C12orf42: variants seen among roughly 807,000 people sequenced by gnomAD.
C12orf42 encodes the protein uncharacterized protein C12orf42.
C12orf42 carries 25 observed loss-of-function variants against 21.6 expected under a neutral mutation model. The ratio of observed to expected loss-of-function variants is 1.16; its 90% confidence interval spans 0.84 to 1.62. C12orf42 has a LOEUF of 1.62. Ranked by LOEUF, C12orf42 falls within the 40% of genes most tolerant of loss-of-function variation. The probability of loss-of-function intolerance (pLI) is 0.00; values close to 1 mark genes in which losing one functional copy is unlikely to be tolerated. For synonymous variants in C12orf42, 174 were observed against 175.0 expected, an observed-to-expected ratio of 0.99 and a Z score of 0.05; for missense variants, 483 against 459.3, an observed-to-expected ratio of 1.05 and a Z score of -0.47.
chr12:103,103,912 T>G, the C12orf42 span, among the ~76,000 whole-genome samples: 1 of 152,106 alleles, frequency 6.6e-6, no homozygotes, highest in African/African-American at 2.4e-5. Context: ...GCGATTCTCC[T>G]GCCTCAGCTT....
At chr12:103,525,219 G>A in the C12orf42 span, among the ~76,000 whole-genome samples, 1,265 of 152,104 alleles carry the variant, frequency 8.3e-3, 18 homozygotes, top group African/African-American at 0.029. Flanking sequence ...TGGGCGGGGG[G>A]AAGTCTCACT....
intron 3 of C12orf42, among the ~76,000 whole-genome samples, chr12:103,394,055 A>C (rs1223819082): frequency 6.6e-6 from 1 of 152,216 alleles, no homozygotes; most frequent in African/African-American, 2.4e-5. Flanking sequence ...TTTTTCTTTC[A>C]GATGTTCATA....
chr12:103,357,641 C>T (rs1000549296), intron 4 of C12orf42, among the ~76,000 whole-genome samples: 6 of 152,056 alleles, frequency 3.9e-5, no homozygotes, highest in Non-Finnish European at 7.4e-5. Flanking sequence ...TGATGCTCCA[C>T]TGATGAGGGA....
At chr12:103,326,169 T>C (rs2040677718) in intron 4 of C12orf42, among the ~76,000 whole-genome samples, 1 of 152,202 alleles carries the variant, frequency 6.6e-6, no homozygotes, top group African/African-American at 2.4e-5. Flanking sequence ...GTCTTACTAA[T>C]TGACAGAGTC....
chr12:103,539,859 A>T, the C12orf42 span, among the ~76,000 whole-genome samples: 13 of 152,156 alleles, frequency 8.5e-5, no homozygotes, highest in African/African-American at 2.9e-4. Context: ...GACTACAGGC[A>T]TGAGCCAACG....
rs529262561 is a variant in C12orf42 at position 103,424,693 on chromosome 12, G to A, written c.79-23018C>T. Among the ~76,000 whole-genome samples, 6 of 152,284 alleles carry A rather than the reference G, an allele frequency of 3.9e-5. No individual in the cohort carries two copies. The East Asian group carries it at 5.8e-4, about 15-fold the overall frequency. Reference sequence around the variant, plus strand: ...AACCTGCAGACCAGGAGATTCCCTCGGGTACCTACACTACCAGGGCCCTGG... The same window carrying A: ...AACCTGCAGACCAGGAGATTCCCTCAGGTACCTACACTACCAGGGCCCTGG... On this transcript the variant is annotated intron_variant, in intron 2 of 5. Transcript: ENST00000548883.
chr12:103,499,534 G>A (rs1955666267), upstream of C12orf42, among the ~76,000 whole-genome samples: 1 of 152,210 alleles, frequency 6.6e-6, no homozygotes, highest in African/African-American at 2.4e-5. Flanking sequence ...GAGAAAGGAA[G>A]ATGGCACACT....
chr12:103,133,244 A>C, the C12orf42 span, among the ~76,000 whole-genome samples: 1 of 152,098 alleles, frequency 6.6e-6, no homozygotes, highest in African/African-American at 2.4e-5. Flanking sequence ...AACCACTTCT[A>C]ACACCAACAT....
intron 4 of C12orf42, among the ~76,000 whole-genome samples, chr12:103,319,677 C>T (rs1231054827): frequency 2.6e-5 from 4 of 152,236 alleles, no homozygotes; most frequent in Admixed American, 2.6e-4. Context: ...AAAGATTGCC[C>T]TATGGCCGTC....
intron 3 of C12orf42, chr12:103,396,399 C>A (rs895604509): frequency 6.6e-6 from 1 of 152,194 alleles, no homozygotes; most frequent in Non-Finnish European, 1.5e-5. Context: ...AATTACGCCT[C>A]TTTTGTTTAT....
chr12:103,124,155 CTTTTTTTT>C, the C12orf42 span, among the ~76,000 whole-genome samples: 327 of 75,970 alleles, frequency 4.3e-3, 2 homozygotes, highest in African/African-American at 0.015. Context: ...CAAACATAAG[CTTTTTTTT>C]TTTTTTTTTT....
At chr12:103,107,978 T>C in the C12orf42 span, among the ~76,000 whole-genome samples, 33 of 151,598 alleles carry the variant, frequency 2.2e-4, no homozygotes, top group Admixed American at 7.2e-4. Flanking sequence ...ACACAAATTA[T>C]AAAAATGAAC....
At chr12:103,081,776 A>G in the C12orf42 span, among the ~76,000 whole-genome samples, 1 of 152,152 alleles carries the variant, frequency 6.6e-6, no homozygotes, top group Non-Finnish European at 1.5e-5. Flanking sequence ...CATTTGTAAA[A>G]TTATTAAATA....
downstream of C12orf42, among the ~76,000 whole-genome samples, chr12:103,237,275 C>A (rs1450285185): frequency 6.6e-6 from 1 of 151,928 alleles, no homozygotes; most frequent in Non-Finnish European, 1.5e-5. Flanking sequence ...GTGTGTGTGG[C>A]ATTGTTGGGG....
At chr12:103,126,472 G>A in the C12orf42 span, among the ~76,000 whole-genome samples, 3 of 152,046 alleles carry the variant, frequency 2.0e-5, no homozygotes, top group Non-Finnish European at 4.4e-5. Context: ...CCTTCCCACT[G>A]GTAAAATGTT....
the C12orf42 span, among the ~76,000 whole-genome samples, chr12:103,093,676 C>T: frequency 1.3e-5 from 2 of 152,202 alleles, no homozygotes; most frequent in South Asian, 2.1e-4. Context: ...AGACATCATC[C>T]TTAACCAAGC....
the C12orf42 span, among the ~76,000 whole-genome samples, chr12:103,521,765 G>T: frequency 6.6e-6 from 1 of 152,114 alleles, no homozygotes; most frequent in Non-Finnish European, 1.5e-5. Context: ...ATGAAATATC[G>T]TCTTTGTCTT....
the C12orf42 span, among the ~76,000 whole-genome samples, chr12:103,166,944 C>G: frequency 1.9e-4 from 29 of 152,096 alleles, no homozygotes; most frequent in South Asian, 5.6e-3. Flanking sequence ...TTATCTTTAT[C>G]GACTCTTCTA....
chr12:103,101,067 G>A, the C12orf42 span, among the ~76,000 whole-genome samples: 3 of 152,124 alleles, frequency 2.0e-5, no homozygotes, highest in South Asian at 2.1e-4. Flanking sequence ...TTTTAAACTC[G>A]GGAGCCTCCA....
Sources: allele counts gnomAD v4.1 joint callset (sites outside exome capture counted in the v4.1 genomes callset), GRCh38; gene constraint gnomAD v4.1.1; transcripts MANE v1.5; gene names NCBI Gene and HGNC (gene_info 2026-07-23, HGNC 2026-07-21).